The following DNAI4 variants were observed in gnomAD, a reference collection of about 807,000 sequenced individuals.
The protein encoded by DNAI4 is dynein axonemal intermediate chain 4.
A neutral mutation model predicts 105.8 loss-of-function variants in DNAI4; 85 were observed. That is an observed-to-expected ratio of 0.80 (90% confidence interval 0.67 to 0.96). DNAI4 has a LOEUF of 0.96. Among genes scored for constraint, DNAI4 ranks in the 40% least tolerant of loss-of-function variants. DNAI4 has a pLI of 0.00. For missense variants in DNAI4, 1,014 were observed against 1,005.6 expected, an observed-to-expected ratio of 1.01 and a Z score of -0.11; for synonymous variants, 352 against 331.5, an observed-to-expected ratio of 1.06 and a Z score of -0.67.
chr1:66,902,048 A>G (rs1648864410), intron 2 of DNAI4, among the ~76,000 whole-genome samples: 1 of 152,048 alleles, frequency 6.6e-6, no homozygotes. Flanking sequence ...CAGCCTCCCA[A>G]AGTGCTGAGT....
intron 4 of DNAI4, among the ~76,000 whole-genome samples, chr1:66,882,782 GTTC>G (rs2100718673): frequency 6.6e-6 from 1 of 150,928 alleles, no homozygotes; most frequent in East Asian, 1.9e-4. Flanking sequence ...TAAATCCTCT[GTTC>G]TTCAATATAA....
At chr1:66,837,341 G>A (rs1234389171) in intron 10 of DNAI4, among the ~76,000 whole-genome samples, 1 of 142,572 alleles carries the variant, frequency 7.0e-6, no homozygotes, top group Non-Finnish European at 1.5e-5. Context: ...CTCCAGCCTG[G>A]GCGACAATGT....
At position 66,826,824 on chromosome 1, in the gene DNAI4, T is replaced by C. The variant is rs1204582834; in HGVS notation, c.2335A>G (p.Ser779Gly). 6.2e-7 allele frequency: 1 copy of C among 1,613,328 alleles called. No homozygotes were observed. Among genetic ancestry groups the C allele is most frequent in the Non-Finnish European group, 8.5e-7 (1 of 1,179,810 alleles). The change falls in exon 15 of 17, where the codon AGC (serine) becomes GGC (glycine). Residue 779 changes from serine (S) to glycine (G), a missense_variant. Transcript: ENST00000371026. ...NRVEIWDLHI[S>G]TLDPLIVNTA... is the part of the protein sequence containing the mutation. Reference sequence around the variant, plus strand: ...GCAAGAAAAATAGTAACTTACGTGCTGATATGAAGGTCCCAAATCTCCACC... The same window carrying C: ...GCAAGAAAAATAGTAACTTACGTGCCGATATGAAGGTCCCAAATCTCCACC...
At position 66,814,122 on chromosome 1, in the gene DNAI4, A is replaced by C. The variant is rs770230063; in HGVS notation, c.*8T>G. 1.1e-4 allele frequency: 174 copies of C among 1,584,842 alleles called. No individual in the cohort carries two copies. The highest frequency in any genetic ancestry group is 6.6e-5 in the Non-Finnish European group (78 of 1,174,210). On this transcript the variant is annotated 3_prime_UTR_variant, in exon 17 of 17. Transcript: ENST00000371026. ...AACAACTACAAGAAAAATATTAGGA[A>C]TGATGAATTATGCTGATTGGTTTGA...
chr1:66,875,079 T>A, intron 4 of DNAI4, 142 bp from the exon 5 acceptor site: 2 of 822,892 alleles, frequency 2.4e-6, no homozygotes, highest in Non-Finnish European at 3.7e-6. Context: ...TTGTGAGATG[T>A]AGTATATTCA....
In DNAI4 at chr1:66,894,450, T is replaced by C. The variant is rs112681103; in HGVS notation, c.346-1037A>G. 8.7e-3 allele frequency among the ~76,000 whole-genome samples: 1,322 copies of C among 152,300 alleles called. 13 individuals are homozygous for C. The highest frequency in any genetic ancestry group is 0.03 in the African/African-American group (1,254 of 41,556). The stretch of plus-strand genomic sequence containing the variant: ...GCTGCAAATGTCTTCTTTCACTCTG[T>C]GGCTTTATTTTCTTTATGGTATATT... On this transcript the variant is annotated intron_variant, in intron 2 of 16. Coordinates refer to ENST00000371026, the MANE Select transcript of DNAI4 (RefSeq NM_024763.5).
At chr1:66,821,091 C>CTTTTTTT (rs55811909) in intron 16 of DNAI4, among the ~76,000 whole-genome samples, 33 of 80,318 alleles carry the variant, frequency 4.1e-4, no homozygotes, top group East Asian at 1.8e-3. Context: ...AAACATTTCT[C>CTTTTTTT]TTTTTTTTTT....
intron 6 of DNAI4, among the ~76,000 whole-genome samples, chr1:66,865,462 A>G (rs1234230011): frequency 6.6e-6 from 1 of 152,208 alleles, no homozygotes; most frequent in African/African-American, 2.4e-5. Flanking sequence ...ATGGATCAAT[A>G]AAAGTGTACC....
intron 4 of DNAI4, among the ~76,000 whole-genome samples, chr1:66,888,432 C>T (rs1220033932): frequency 2.0e-5 from 3 of 152,156 alleles, no homozygotes; most frequent in Non-Finnish European, 2.9e-5. Context: ...TGGTGGCTCA[C>T]GCCTGTAATC....
chr1:66,923,254 T>C (rs958519620), intron 1 of DNAI4, among the ~76,000 whole-genome samples: 4 of 152,228 alleles, frequency 2.6e-5, no homozygotes, highest in African/African-American at 4.8e-5. Context: ...TACACAAACC[T>C]AGATGTATAG....
rs199872626 is a variant in DNAI4, at chr1:66,905,305, A to G, written c.241T>C (p.Tyr81His). ...ATMKATSVKGYTGANQSRMAV... is the reference protein window; with the variant it reads ...ATMKATSVKGHTGANQSRMAV... ...ATTCTGCTTTGATTTGCACCAGTATATCCTTTCACTGAAGTTGCTTTCATT... is the reference window on the plus strand; with the variant it reads ...ATTCTGCTTTGATTTGCACCAGTATGTCCTTTCACTGAAGTTGCTTTCATT... Residue 81 changes from tyrosine to histidine, a missense_variant, in exon 2 of 17, where the codon TAT (tyrosine) becomes CAT (histidine). Physicochemically the swap from Tyr to His is moderately conservative, Grantham distance 83. Coordinates refer to ENST00000371026, the MANE Select transcript of DNAI4 (RefSeq NM_024763.5). The G allele has an allele frequency of 1.9e-6, 3 of 1,547,172 alleles. No individual in the cohort carries two copies. Among genetic ancestry groups the G allele is most frequent in the Admixed American group, 3.5e-5 (2 of 57,924 alleles).
intron 7 of DNAI4, among the ~76,000 whole-genome samples, chr1:66,855,332 T>C (rs956944345): frequency 6.6e-6 from 1 of 152,216 alleles, no homozygotes. Flanking sequence ...CTTACATATG[T>C]AGTTCATGGC....
chr1:66,862,077 G>T, intron 7 of DNAI4, 70 bp downstream of exon 7: 1 of 1,427,726 alleles, frequency 7.0e-7, no homozygotes, highest in Non-Finnish European at 9.4e-7. Flanking sequence ...ATTGTTAACT[G>T]CCAAAAAAGA....
intron 1 of DNAI4, among the ~76,000 whole-genome samples, chr1:66,917,220 G>GATTT (rs1456282556): frequency 2.0e-5 from 3 of 152,168 alleles, no homozygotes; most frequent in Non-Finnish European, 4.4e-5. Flanking sequence ...CTGTAATTCT[G>GATTT]ATTTAACTTA....
At chr1:66,842,661 T>G (rs952151375) in intron 8 of DNAI4, among the ~76,000 whole-genome samples, 3 of 152,090 alleles carry the variant, frequency 2.0e-5, no homozygotes, top group Non-Finnish European at 4.4e-5. Flanking sequence ...CCTCCCAAAG[T>G]GCTGGGATTA....
chr1:66,816,575 G>T (rs1416030772), intron 16 of DNAI4, among the ~76,000 whole-genome samples: 3 of 151,924 alleles, frequency 2.0e-5, no homozygotes, highest in Admixed American at 6.6e-5. Flanking sequence ...ATGGTTTTTT[G>T]TTGTTGTTTA....
intron 8 of DNAI4, among the ~76,000 whole-genome samples, chr1:66,844,206 A>G (rs1250276279): frequency 4.6e-5 from 7 of 151,780 alleles, no homozygotes; most frequent in Non-Finnish European, 1.0e-4. Flanking sequence ...TCTTTTTACT[A>G]TATATATTTA....
chr1:66,839,865 T>A (rs1646110776), intron 9 of DNAI4, among the ~76,000 whole-genome samples: 1 of 152,238 alleles, frequency 6.6e-6, no homozygotes, highest in Non-Finnish European at 1.5e-5. Flanking sequence ...GGGCAAATTA[T>A]TTATGCTTTT....
At chr1:66,879,623 G>C (rs1647025858) in intron 4 of DNAI4, among the ~76,000 whole-genome samples, 1 of 152,096 alleles carries the variant, frequency 6.6e-6, no homozygotes, top group African/African-American at 2.4e-5. Flanking sequence ...ATTCCAAACT[G>C]GATGTACCAT....
Sources: gnomAD v4.1 joint callset for allele counts (sites outside exome capture counted in the v4.1 genomes callset) on GRCh38, gnomAD v4.1.1 for gene constraint, MANE v1.5 for transcripts, NCBI Gene and HGNC (gene_info 2026-07-23, HGNC 2026-07-21) for gene names.